Variants in SPTLC2 observed in about 807,000 individuals in gnomAD.
SPTLC2 encodes serine palmitoyltransferase long chain base subunit 2.
A neutral mutation model predicts 62.0 loss-of-function variants in SPTLC2; 21 were observed. The ratio of observed to expected loss-of-function variants is 0.34; its 90% CI spans 0.24 to 0.49. SPTLC2 has a LOEUF of 0.49. SPTLC2 is among the 20% of genes least tolerant of loss of function. The probability of loss-of-function intolerance (pLI) is 0.99; values close to 1 mark genes in which losing one functional copy is unlikely to be tolerated. For synonymous variants in SPTLC2, 261 were observed against 261.8 expected (o/e 1.00, Z 0.03); for missense variants, 511 against 713.0 (o/e 0.72, Z 3.23).
At chr14:77,569,181 CAT>C (rs1484273586) in intron 5 of SPTLC2, among the ~76,000 whole-genome samples, 1 of 152,118 alleles carries the variant, frequency 6.6e-6, no homozygotes, top group Non-Finnish European at 1.5e-5. Flanking sequence ...AGGCACTTCA[CAT>C]TTCTTCTGAT....
rs3216475 is a variant in SPTLC2 at position 77,582,050 on chromosome 14, T to TAA, written c.328-2943_328-2942dup. On this transcript the variant is annotated intron_variant, in intron 2 of 11. Transcript: ENST00000216484. ...GATTATCTCATTTCTTTTTTTTAAT[T>TAA]AAAAAAAAAAATTTTTTTTTGAGAC... is the stretch of plus-strand genomic sequence containing the variant. 1.2e-3 allele frequency among the ~76,000 whole-genome samples: 182 copies of TAA among 149,306 alleles called. 1 individual carries two copies. The highest frequency in any genetic ancestry group is 3.8e-3 in the African/African-American group (153 of 40,682).
At chr14:77,563,102 C>T (rs193027171) in intron 5 of SPTLC2, among the ~76,000 whole-genome samples, 177 of 149,198 alleles carry the variant, frequency 1.2e-3, no homozygotes, top group Non-Finnish European at 1.9e-3. Flanking sequence ...TTTTTCACTG[C>T]AGTTCTTACT....
At chr14:77,529,253 C>CTT (rs67561245) in intron 9 of SPTLC2, among the ~76,000 whole-genome samples, 1 of 122,168 alleles carries the variant, frequency 8.2e-6, no homozygotes, top group Non-Finnish European at 1.8e-5. Flanking sequence ...AAAACTTCTT[C>CTT]TTTTTTTTTT....
intron 9 of SPTLC2, among the ~76,000 whole-genome samples, chr14:77,532,458 G>A (rs902263023): frequency 5.3e-5 from 8 of 152,016 alleles, no homozygotes; most frequent in Non-Finnish European, 1.0e-4. Flanking sequence ...GCTGATGGAC[G>A]GCTGGCACAA....
At chr14:77,602,842 G>A (rs559480323) in intron 1 of SPTLC2, among the ~76,000 whole-genome samples, 1 of 152,218 alleles carries the variant, frequency 6.6e-6, no homozygotes, top group Admixed American at 6.5e-5. Flanking sequence ...TCAAACTGCT[G>A]GGATTACAGG....
At chr14:77,558,625 T>G (rs1190438978) in intron 6 of SPTLC2, among the ~76,000 whole-genome samples, 1 of 103,224 alleles carries the variant, frequency 9.7e-6, no homozygotes, top group African/African-American at 3.0e-5. Context: ...CCAGTTTTTT[T>G]GTTTTTTTTT....
At chr14:77,593,680 A>G (rs577526011) in intron 2 of SPTLC2, among the ~76,000 whole-genome samples, 32 of 152,210 alleles carry the variant, frequency 2.1e-4, no homozygotes, top group Non-Finnish European at 4.0e-4. Flanking sequence ...TACATCAAAG[A>G]ATTAACACAG....
intron 9 of SPTLC2, among the ~76,000 whole-genome samples, chr14:77,551,116 G>A (rs999705220): frequency 2.0e-5 from 3 of 152,032 alleles, no homozygotes; most frequent in South Asian, 2.1e-4. Context: ...CAACTGGGCC[G>A]GGCACGGTGG....
chr14:77,535,652 C>A, intron 9 of SPTLC2: 1 of 191,350 alleles, frequency 5.2e-6, no homozygotes. Flanking sequence ...GGTATGAGAC[C>A]AACATGGACC....
At chr14:77,559,308 G>A (rs188178159) in intron 6 of SPTLC2, among the ~76,000 whole-genome samples, 7 of 152,138 alleles carry the variant, frequency 4.6e-5, no homozygotes, top group Admixed American at 4.6e-4. Flanking sequence ...GGGTGACAGA[G>A]CAAGACTGTT....
chr14:77,597,706 G>A (rs2079855101), intron 1 of SPTLC2, among the ~76,000 whole-genome samples: 1 of 151,694 alleles, frequency 6.6e-6, no homozygotes, highest in African/African-American at 2.4e-5. Context: ...TCTGGGAAGT[G>A]GAGGCTGCAG....
chr14:77,610,676 T>TA (rs2079930494), intron 1 of SPTLC2, among the ~76,000 whole-genome samples: 1 of 151,944 alleles, frequency 6.6e-6, no homozygotes. Context: ...TATCACAAAA[T>TA]AGTCTGCTAC....
rs750952536 is a variant in SPTLC2, at chr14:77,511,715, A to G, written c.*569T>C. 3 of 172,184 alleles carry G rather than the reference A, an allele frequency of 1.7e-5. No individual in the cohort carries two copies. Among genetic ancestry groups the G allele is most frequent in the Non-Finnish European group, 3.8e-5 (3 of 79,046 alleles). 10.7% of individuals were successfully genotyped at this position (172,184 alleles called of 1,614,324 possible). ...TTACACAATGAGCCTTTCAGCAGTC[A>G]TCGCTTACTGTTTTTCTTAAAAGGC... On this transcript the variant is annotated 3_prime_UTR_variant, in exon 12 of 12. Transcript: ENST00000216484.
chr14:77,546,389 A>G (rs2299912), intron 9 of SPTLC2, among the ~76,000 whole-genome samples: 29,542 of 152,218 alleles, frequency 0.19, 2,953 homozygotes, highest in East Asian at 0.31. Flanking sequence ...CCACAGAAAA[A>G]TTTCATTTAT....
intron 9 of SPTLC2, among the ~76,000 whole-genome samples, chr14:77,549,980 G>A (rs539189144): frequency 6.6e-6 from 1 of 152,336 alleles, no homozygotes; most frequent in African/African-American, 2.4e-5. Context: ...GTGTGCCTAT[G>A]TGAAGTACCT....
intron 5 of SPTLC2, among the ~76,000 whole-genome samples, chr14:77,563,204 G>T (rs2079624466): frequency 6.6e-6 from 1 of 151,852 alleles, no homozygotes; most frequent in Non-Finnish European, 1.5e-5. Flanking sequence ...TATCCAATTA[G>T]ATGAAAAGGG....
intron 9 of SPTLC2, among the ~76,000 whole-genome samples, chr14:77,524,464 A>C (rs1006036009): frequency 6.6e-6 from 1 of 152,076 alleles, no homozygotes; most frequent in African/African-American, 2.4e-5. Flanking sequence ...AAGTTTTTTC[A>C]AACTAAAAAT....
chr14:77,600,986 T>C (rs2079874244), intron 1 of SPTLC2, among the ~76,000 whole-genome samples: 2 of 141,774 alleles, frequency 1.4e-5, no homozygotes, highest in Non-Finnish European at 2.9e-5. Context: ...AGATAAGCCA[T>C]ATGTGTAATA....
intron 11 of SPTLC2, 147 bp from the exon 12 acceptor site, chr14:77,512,550 C>T: frequency 1.6e-6 from 2 of 1,264,828 alleles, no homozygotes; most frequent in Non-Finnish European, 2.2e-6. Context: ...GACTACAATA[C>T]AGCTGTGGAA....
Sources: gnomAD v4.1 joint callset for allele counts (sites outside exome capture counted in the v4.1 genomes callset) on GRCh38, gnomAD v4.1.1 for gene constraint, MANE v1.5 for transcripts, NCBI Gene and HGNC (gene_info 2026-07-23, HGNC 2026-07-21) for gene names.